MBD5: variants seen among roughly 807,000 people sequenced by gnomAD.
MBD5 encodes the protein methyl-CpG-binding domain protein 5.
Under a neutral mutation model 117.3 loss-of-function variants are expected in MBD5, and 13 were observed. That is an observed-to-expected ratio of 0.11 (90% confidence interval 0.07 to 0.18). The LOEUF (loss-of-function observed/expected upper bound fraction) is 0.18, where lower values mean the gene tolerates loss of function less well. Among genes scored for constraint, MBD5 ranks in the 10% least tolerant of loss-of-function variants. The probability of loss-of-function intolerance (pLI) is 1.00; values close to 1 mark genes in which losing one functional copy is unlikely to be tolerated. For missense variants in MBD5, 1,879 were observed against 2,093.8 expected (o/e 0.90, Z 2.00); for synonymous variants, 727 against 766.4 (o/e 0.95, Z 0.85).
intron 1 of MBD5, among the ~76,000 whole-genome samples, chr2:148,123,598 T>C (rs1199784068): frequency 6.6e-6 from 1 of 152,218 alleles, no homozygotes; most frequent in Non-Finnish European, 1.5e-5. Flanking sequence ...GTTCTTTGTA[T>C]GTTTAGTATG....
chr2:148,241,227 C>T (rs1008194844), intron 3 of MBD5, among the ~76,000 whole-genome samples: 4 of 151,918 alleles, frequency 2.6e-5, no homozygotes, highest in African/African-American at 9.7e-5. Context: ...TCAGTAGCTG[C>T]TCACATTTAT....
chr2:148,281,113 A>G (rs550229235), intron 3 of MBD5, among the ~76,000 whole-genome samples: 1 of 152,304 alleles, frequency 6.6e-6, no homozygotes, highest in East Asian at 1.9e-4. Context: ...TTTTAATCCA[A>G]GGTATTCTAC....
At chr2:148,197,794 G>GTTTTTTTTTTTTTTTT (rs56029734) in intron 2 of MBD5, among the ~76,000 whole-genome samples, 6 of 102,538 alleles carry the variant, frequency 5.9e-5, no homozygotes, top group African/African-American at 1.4e-4. Context: ...AGCATCTGAG[G>GTTTTTTTTTTTTTTTT]TTTTTTTTTT....
chr2:148,115,413 T>C (rs900918724), intron 1 of MBD5, among the ~76,000 whole-genome samples: 1 of 152,204 alleles, frequency 6.6e-6, no homozygotes, highest in African/African-American at 2.4e-5. Flanking sequence ...AAAATTGATA[T>C]GATTCTTGAA....
chr2:148,238,833 CTCT>C (rs1406641129), intron 3 of MBD5, among the ~76,000 whole-genome samples: 3 of 152,062 alleles, frequency 2.0e-5, no homozygotes, highest in Non-Finnish European at 4.4e-5. Context: ...TTCTCTTCTG[CTCT>C]TCTTATAAGG....
chr2:148,277,066 T>C (rs1014493285), intron 3 of MBD5, among the ~76,000 whole-genome samples: 2 of 152,146 alleles, frequency 1.3e-5, no homozygotes, highest in African/African-American at 4.8e-5. Context: ...TAAGGGGCAA[T>C]TTTCAGTTGT....
chr2:148,339,368 G>C (rs1177949516), intron 3 of MBD5, among the ~76,000 whole-genome samples: 3 of 152,082 alleles, frequency 2.0e-5, no homozygotes, highest in Non-Finnish European at 4.4e-5. Flanking sequence ...TCTCCAAAGT[G>C]AGTGGCCTCC....
chr2:148,366,238 T>G lies in MBD5; in HGVS notation c.-557+23902T>G, dbSNP rs112489455. Among the ~76,000 whole-genome samples the G allele has an allele frequency of 2.3e-3, 352 of 152,030 alleles. 1 individual carries two copies. Among genetic ancestry groups the G allele is most frequent in the African/African-American group, 8.0e-3 (333 of 41,456 alleles). On this transcript the variant is annotated intron_variant, in intron 4 of 13. Transcript: ENST00000642680. ...AAATGACAAAAACCACATGATTATC[T>G]CAATAGATGCAAAAAAGGCCTTCGA...
intron 1 of MBD5, among the ~76,000 whole-genome samples, chr2:148,061,896 G>A (rs1327443759): frequency 1.3e-5 from 2 of 150,508 alleles, no homozygotes; most frequent in African/African-American, 4.9e-5. Flanking sequence ...AGGTCCTCAG[G>A]ATTTTAAATA....
intron 3 of MBD5, among the ~76,000 whole-genome samples, chr2:148,239,432 G>A (rs563093319): frequency 4.6e-4 from 70 of 152,112 alleles, no homozygotes; most frequent in African/African-American, 1.6e-3. Context: ...AATGCCCTAC[G>A]ACTTTAGAGA....
chr2:148,416,240 A>G (rs1039823843), intron 4 of MBD5, among the ~76,000 whole-genome samples: 1 of 152,224 alleles, frequency 6.6e-6, no homozygotes, highest in African/African-American at 2.4e-5. Flanking sequence ...GGCTCAGCTC[A>G]GCACTCATGG....
chr2:148,191,451 TCTCA>T (rs1448444883), intron 2 of MBD5, among the ~76,000 whole-genome samples: 1 of 38 alleles, frequency 0.026, no homozygotes, highest in Admixed American at 0.25. Flanking sequence ...GGATTAAGAA[TCTCA>T]CTCAAAGCCG....
chr2:148,045,569 A>T (rs1048954480), intron 1 of MBD5, among the ~76,000 whole-genome samples: 1 of 152,166 alleles, frequency 6.6e-6, no homozygotes. Flanking sequence ...ATGCCTTTCT[A>T]TAGATTTAAA....
chr2:148,190,439 G>T (rs1247771729), intron 2 of MBD5, among the ~76,000 whole-genome samples: 3 of 826 alleles, frequency 3.6e-3, no homozygotes, highest in African/African-American at 3.9e-3. Context: ...AGAAGAGAGT[G>T]GGGGCCAATA....
At chr2:148,456,885 C>G (rs1342393933) in intron 4 of MBD5, among the ~76,000 whole-genome samples, 2 of 152,104 alleles carry the variant, frequency 1.3e-5, no homozygotes, top group Non-Finnish European at 1.5e-5. Flanking sequence ...AAGGCATATA[C>G]CTGAATATAC....
chr2:148,071,607 A>G (rs1695360894), intron 1 of MBD5: 1 of 152,178 alleles, frequency 6.6e-6, no homozygotes, highest in African/African-American at 2.4e-5. Context: ...AGATATGCTC[A>G]ATATGTTTTT....
intron 3 of MBD5, among the ~76,000 whole-genome samples, chr2:148,258,031 C>T (rs190794070): frequency 4.6e-5 from 7 of 152,276 alleles, no homozygotes; most frequent in Admixed American, 2.0e-4. Context: ...ATGGGTGCCA[C>T]GCACTATCTG....
At chr2:148,265,931 G>GT (rs1700847748) in intron 3 of MBD5, among the ~76,000 whole-genome samples, 1 of 151,512 alleles carries the variant, frequency 6.6e-6, no homozygotes, top group East Asian at 1.9e-4. Context: ...TCAGGAAAGA[G>GT]AAAAAAATGC....
At chr2:148,166,789 T>C (rs1452850247) in intron 1 of MBD5, among the ~76,000 whole-genome samples, 1 of 152,206 alleles carries the variant, frequency 6.6e-6, no homozygotes, top group African/African-American at 2.4e-5. Flanking sequence ...GTTGTGGTTA[T>C]GTCAGAAATT....
Sources: allele counts gnomAD v4.1 joint callset (sites outside exome capture counted in the v4.1 genomes callset), GRCh38; gene constraint gnomAD v4.1.1; transcripts MANE v1.5; gene names NCBI Gene and HGNC (gene_info 2026-07-23, HGNC 2026-07-21).